The following AVPI1 variants were observed in gnomAD, a reference collection of about 807,000 sequenced individuals.
AVPI1 encodes the protein arginine vasopressin induced 1, also known as arginine vasopressin-induced protein 1.
AVPI1 carries 9 observed loss-of-function variants against 11.9 expected under a neutral mutation model. The ratio of observed to expected loss-of-function variants is 0.76; its 90% CI spans 0.46 to 1.32. The LOEUF (loss-of-function observed/expected upper bound fraction) is 1.32, where lower values mean the gene tolerates loss of function less well. Ranked by LOEUF, AVPI1 falls within the 40% of genes most tolerant of loss-of-function variation. AVPI1 has a pLI of 0.00. For synonymous variants in AVPI1, 68 were observed against 78.1 expected (o/e 0.87, Z 0.68); for missense variants, 207 against 195.8 (o/e 1.06, Z -0.34).
At chr10:97,682,835 T>C (rs927368155) in intron 1 of AVPI1, among the ~76,000 whole-genome samples, 1 of 152,244 alleles carries the variant, frequency 6.6e-6, no homozygotes, top group Non-Finnish European at 1.5e-5. Context: ...TGCCTCTCCT[T>C]AGGTGCTATT....
chr10:97,680,640 G>A (rs780055268), intron 1 of AVPI1, among the ~76,000 whole-genome samples: 10 of 152,182 alleles, frequency 6.6e-5, no homozygotes, highest in Non-Finnish European at 1.2e-4. Context: ...TACTTTGTAG[G>A]ATTAATTTGA....
intron 1 of AVPI1, 115 bp from the exon 2 acceptor site, chr10:97,680,030 G>A (rs994855668): frequency 3.9e-6 from 4 of 1,022,732 alleles, no homozygotes; most frequent in African/African-American, 1.6e-5. Flanking sequence ...TAAACTGGAG[G>A]AAGTCTCCTG....
At chr10:97,680,545 T>C (rs1462268230) in intron 1 of AVPI1, among the ~76,000 whole-genome samples, 1 of 152,198 alleles carries the variant, frequency 6.6e-6, no homozygotes, top group Non-Finnish European at 1.5e-5. Flanking sequence ...GGAATCCCAC[T>C]TCTACCCCCT....
At chr10:97,684,913 C>T (rs2041721624) in intron 1 of AVPI1, among the ~76,000 whole-genome samples, 1 of 152,174 alleles carries the variant, frequency 6.6e-6, no homozygotes, top group African/African-American at 2.4e-5. Context: ...TTTGGGAAAA[C>T]CGATGAAATG....
At chr10:97,678,936 T>C (rs2041684470) in intron 2 of AVPI1, among the ~76,000 whole-genome samples, 1 of 28,442 alleles carries the variant, frequency 3.5e-5, no homozygotes, top group African/African-American at 1.3e-4. Context: ...TGTGTGTGTG[T>C]GTGTGTGTGT....
At chr10:97,686,361 A>G (rs982330594) in intron 1 of AVPI1, among the ~76,000 whole-genome samples, 7 of 152,248 alleles carry the variant, frequency 4.6e-5, no homozygotes, top group Admixed American at 2.6e-4. Context: ...TCATAGCTTT[A>G]TGATTAAAAT....
chr10:97,679,529 G>T, intron 2 of AVPI1, 90 bp downstream of exon 2: 1 of 1,436,832 alleles, frequency 7.0e-7, no homozygotes, highest in Non-Finnish European at 9.3e-7. Context: ...TTACAGTGAG[G>T]CCAAGTAACT....
intron 2 of AVPI1, 93 bp downstream of exon 2, chr10:97,679,526 G>C: frequency 7.0e-7 from 1 of 1,428,128 alleles, no homozygotes; most frequent in Non-Finnish European, 9.3e-7. Flanking sequence ...ACTTTACAGT[G>C]AGGCCAAGTA....
At chr10:97,685,514 G>A (rs1222137793) in intron 1 of AVPI1, among the ~76,000 whole-genome samples, 1 of 152,190 alleles carries the variant, frequency 6.6e-6, no homozygotes, top group African/African-American at 2.4e-5. Context: ...CCTCATGCAG[G>A]AGGAGGCCCC....
chr10:97,685,049 C>T (rs1436885745), intron 1 of AVPI1, among the ~76,000 whole-genome samples: 1 of 152,146 alleles, frequency 6.6e-6, no homozygotes, highest in Non-Finnish European at 1.5e-5. Context: ...TATACTTGCA[C>T]AATAGTACTT....
At chr10:97,679,980 G>T in intron 1 of AVPI1, 65 bp from the exon 2 acceptor site, 1 of 1,391,164 alleles carries the variant, frequency 7.2e-7, no homozygotes, top group Non-Finnish European at 9.5e-7. Context: ...GGGGGTCCTG[G>T]CTAATCCTAG....
chr10:97,683,891 A>G (rs539390374), intron 1 of AVPI1, among the ~76,000 whole-genome samples: 1 of 151,964 alleles, frequency 6.6e-6, no homozygotes, highest in South Asian at 2.1e-4. Context: ...TGCTATAAGA[A>G]CAGCTTGATG....
intron 1 of AVPI1, among the ~76,000 whole-genome samples, chr10:97,685,617 A>G (rs1025098508): frequency 5.3e-5 from 8 of 152,180 alleles, no homozygotes; most frequent in Non-Finnish European, 1.0e-4. Flanking sequence ...CAAGGCCTGA[A>G]TCAACACTTG....
At chr10:97,686,070 C>T (rs998519340) in intron 1 of AVPI1, among the ~76,000 whole-genome samples, 11 of 152,064 alleles carry the variant, frequency 7.2e-5, no homozygotes, top group African/African-American at 2.4e-4. Context: ...ATTGCTTGAG[C>T]CCAGGAGTTC....
intron 2 of AVPI1, among the ~76,000 whole-genome samples, chr10:97,678,860 CTT>C (rs201581234): frequency 1.4e-5 from 2 of 141,536 alleles, no homozygotes; most frequent in African/African-American, 2.7e-5. Flanking sequence ...GCTAATTTCT[CTT>C]TTTTTTGGCG....
At chr10:97,680,505 G>C (rs2041698635) in intron 1 of AVPI1, among the ~76,000 whole-genome samples, 1 of 152,178 alleles carries the variant, frequency 6.6e-6, no homozygotes, top group Admixed American at 6.5e-5. Context: ...AAAGGTAAGA[G>C]AGGAGTTGTG....
intron 1 of AVPI1, 60 bp downstream of exon 1, chr10:97,686,706 A>G (rs903035659): frequency 5.3e-5 from 8 of 152,218 alleles, no homozygotes; most frequent in Non-Finnish European, 2.9e-5. Flanking sequence ...AGGACTCCCA[A>G]GCTAGCCTCT....
intron 1 of AVPI1, among the ~76,000 whole-genome samples, chr10:97,684,232 A>G (rs553438668): frequency 1.3e-5 from 2 of 152,202 alleles, no homozygotes; most frequent in African/African-American, 4.8e-5. Flanking sequence ...AGAAAGGGTG[A>G]TATCTGGCCT....
chr10:97,681,597 G>A (rs866516222), intron 1 of AVPI1, among the ~76,000 whole-genome samples: 2 of 151,504 alleles, frequency 1.3e-5, no homozygotes, highest in African/African-American at 2.4e-5. Context: ...AAAAGAATAC[G>A]GCCGGGCGCG....
Sources: allele counts gnomAD v4.1 joint callset (sites outside exome capture counted in the v4.1 genomes callset), GRCh38; gene constraint gnomAD v4.1.1; transcripts MANE v1.5; gene names NCBI Gene and HGNC (gene_info 2026-07-23, HGNC 2026-07-21).